Variants in SCN1A observed in about 807,000 individuals in gnomAD.
SCN1A encodes sodium channel protein type 1 subunit alpha.
Under a neutral mutation model 193.7 loss-of-function variants are expected in SCN1A, and 13 were observed. That is an observed-to-expected ratio of 0.07 (90% CI 0.04 to 0.11). The LOEUF (loss-of-function observed/expected upper bound fraction) is 0.11. SCN1A is among the 10% of genes least tolerant of loss of function. SCN1A has a pLI of 1.00. For synonymous variants in SCN1A, 781 were observed against 843.6 expected (o/e 0.93, Z 1.29); for missense variants, 1,432 against 2,451.1 (o/e 0.58, Z 8.78).
chr2:166,122,272 G>A (rs1313903548), intron 2 of SCN1A, among the ~76,000 whole-genome samples: 1 of 152,154 alleles, frequency 6.6e-6, no homozygotes, highest in Non-Finnish European at 1.5e-5. Context: ...TAATATTTGT[G>A]TAACTTTGGG....
chr2:166,123,988 T>C (rs1275726206), intron 2 of SCN1A, among the ~76,000 whole-genome samples: 1 of 152,202 alleles, frequency 6.6e-6, no homozygotes, highest in Non-Finnish European at 1.5e-5. Context: ...AGATTTCTGC[T>C]TAAAAAAACT....
intron 2 of SCN1A, among the ~76,000 whole-genome samples, chr2:166,082,998 C>T (rs1286605081): frequency 6.6e-6 from 1 of 151,960 alleles, no homozygotes; most frequent in Non-Finnish European, 1.5e-5. Flanking sequence ...TTGTAGTGTT[C>T]TTGCCACCTA....
At chr2:166,081,148 A>G (rs558812808) in intron 2 of SCN1A, among the ~76,000 whole-genome samples, 1 of 152,044 alleles carries the variant, frequency 6.6e-6, no homozygotes, top group South Asian at 2.1e-4. Context: ...GGTAAACCAT[A>G]TGGCTTTGGT....
intron 13 of SCN1A, among the ~76,000 whole-genome samples, chr2:166,044,723 T>A (rs990740400): frequency 1.7e-3 from 19 of 11,252 alleles, no homozygotes; most frequent in African/African-American, 0.013. Context: ...AGTTCCACAT[T>A]TTTTTTTTTC....
intron 2 of SCN1A, among the ~76,000 whole-genome samples, chr2:166,103,570 G>T (rs549950492): frequency 1.4e-4 from 22 of 152,200 alleles, no homozygotes; most frequent in African/African-American, 5.1e-4. Context: ...CTTCTTTTGG[G>T]ATATGAGGAG....
intron 28 of SCN1A, 181 bp downstream of exon 28, chr2:165,993,965 A>G: frequency 1.6e-6 from 1 of 614,792 alleles, no homozygotes; most frequent in South Asian, 2.0e-5. Context: ...GGATAGAATA[A>G]GAAACAATAC....
intron 19 of SCN1A, among the ~76,000 whole-genome samples, chr2:166,024,319 G>A (rs1250660465): frequency 6.6e-6 from 1 of 152,156 alleles, no homozygotes. Context: ...CCACCTTAGA[G>A]ACAAAGAAAC....
chr2:165,996,266 T>C (rs371310778), intron 26 of SCN1A, 149 bp from the exon 27 acceptor site: 19 of 557,072 alleles, frequency 3.4e-5, no homozygotes, highest in East Asian at 2.5e-4. Context: ...GTAAAAAAAA[T>C]TGTACTCTTT....
At chr2:166,135,492 G>A (rs1402327303) in intron 1 of SCN1A, among the ~76,000 whole-genome samples, 1 of 152,280 alleles carries the variant, frequency 6.6e-6, no homozygotes, top group East Asian at 1.9e-4. Flanking sequence ...AAGTATACAA[G>A]TGTCGCTAGA....
At chr2:166,147,598 CTGAA>C (rs1692374968) in intron 1 of SCN1A, among the ~76,000 whole-genome samples, 1 of 152,106 alleles carries the variant, frequency 6.6e-6, no homozygotes, top group Non-Finnish European at 1.5e-5. Flanking sequence ...GAGGAATAGT[CTGAA>C]TGCCAAACTG....
At chr2:166,007,878 C>T (rs939737655) in intron 23 of SCN1A, among the ~76,000 whole-genome samples, 5 of 151,268 alleles carry the variant, frequency 3.3e-5, no homozygotes, top group Admixed American at 1.3e-4. Flanking sequence ...TTATATCCAA[C>T]CTCACCATCA....
At chr2:166,142,421 C>A (rs185321458) in intron 1 of SCN1A, among the ~76,000 whole-genome samples, 93 of 152,216 alleles carry the variant, frequency 6.1e-4, no homozygotes, top group African/African-American at 1.7e-3. Context: ...TGTTAGGAAG[C>A]AACATTTGGT....
At chr2:166,104,906 G>T (rs1688524107) in intron 2 of SCN1A, among the ~76,000 whole-genome samples, 1 of 152,152 alleles carries the variant, frequency 6.6e-6, no homozygotes, top group Non-Finnish European at 1.5e-5. Flanking sequence ...TTGTAAAGAA[G>T]AAAAGAATTG....
intron 2 of SCN1A, among the ~76,000 whole-genome samples, chr2:166,115,044 T>C (rs1689698520): frequency 6.6e-6 from 1 of 152,084 alleles, no homozygotes; most frequent in Admixed American, 6.6e-5. Context: ...AATTTGCTAA[T>C]AATTAGACTC....
chr2:166,118,801 T>C (rs1032182184), intron 2 of SCN1A, among the ~76,000 whole-genome samples: 3 of 152,216 alleles, frequency 2.0e-5, no homozygotes, highest in Non-Finnish European at 2.9e-5. Flanking sequence ...TCTATGAATA[T>C]GTAATTGGAA....
intron 25 of SCN1A, among the ~76,000 whole-genome samples, 188 bp downstream of exon 25, chr2:165,999,535 T>C (rs1258675656): frequency 1.3e-5 from 2 of 151,692 alleles, no homozygotes; most frequent in Non-Finnish European, 3.0e-5. Context: ...AAATAATTCA[T>C]GTGTTGAATT....
At chr2:166,147,010 T>C (rs1692350492) in intron 1 of SCN1A, among the ~76,000 whole-genome samples, 1 of 152,206 alleles carries the variant, frequency 6.6e-6, no homozygotes, top group Non-Finnish European at 1.5e-5. Context: ...CCCAGCACAG[T>C]GGTTCTCAGA....
At chr2:166,042,157 A>C (rs1574207742) in intron 15 of SCN1A, 135 bp downstream of exon 15, 2 of 824,164 alleles carry the variant, frequency 2.4e-6, no homozygotes, top group East Asian at 5.1e-5. Flanking sequence ...AGTAGATATA[A>C]GAAATAACAG....
intron 2 of SCN1A, among the ~76,000 whole-genome samples, chr2:166,121,856 G>A (rs1690639631): frequency 1.3e-5 from 2 of 152,150 alleles, no homozygotes; most frequent in African/African-American, 4.8e-5. Context: ...ACTGTGTTAG[G>A]AGTTAGAGCC....
Sources: allele counts gnomAD v4.1 joint callset (sites outside exome capture counted in the v4.1 genomes callset), GRCh38; gene constraint gnomAD v4.1.1; transcripts MANE v1.5; gene names NCBI Gene and HGNC (gene_info 2026-07-23, HGNC 2026-07-21).